The following PSTPIP1 variants were observed in gnomAD, a reference collection of about 807,000 sequenced individuals.
PSTPIP1 encodes proline-serine-threonine phosphatase-interacting protein 1.
A neutral mutation model predicts 69.6 loss-of-function variants in PSTPIP1; 66 were observed. That is an observed-to-expected ratio of 0.95 (90% confidence interval 0.78 to 1.16). The LOEUF is 1.16. PSTPIP1 is among the 50% of genes most tolerant of loss of function. PSTPIP1 has a pLI of 0.00. For synonymous variants in PSTPIP1, 266 were observed against 222.7 expected (o/e 1.19, Z -1.73); for missense variants, 603 against 557.4 (o/e 1.08, Z -0.82).
chr15:77,036,006 T>C, intron 14 of PSTPIP1, 71 bp downstream of exon 14: 1 of 1,486,436 alleles, frequency 6.7e-7, no homozygotes, highest in South Asian at 1.3e-5. Context: ...TCCCATCCAG[T>C]GCCTTGCGTC....
intron 1 of PSTPIP1, among the ~76,000 whole-genome samples, chr15:76,997,737 G>A (rs1220105463): frequency 6.6e-6 from 1 of 152,134 alleles, no homozygotes; most frequent in East Asian, 1.9e-4. Flanking sequence ...TCCCAGAGGG[G>A]TAAGAAAATC....
At chr15:77,024,836 C>A in intron 3 of PSTPIP1, among the ~76,000 whole-genome samples, 1 of 152,038 alleles carries the variant, frequency 6.6e-6, no homozygotes, top group Non-Finnish European at 1.5e-5. Flanking sequence ...TCCAAACATC[C>A]CCCGGGCCAC....
intron 8 of PSTPIP1, 84 bp from the exon 9 acceptor site, chr15:77,030,418 G>A (rs1033197162): frequency 2.8e-5 from 39 of 1,402,362 alleles, no homozygotes; most frequent in Admixed American, 3.9e-5. Context: ...CCAGTGGGAG[G>A]AGGCATCCAG....
At chr15:76,996,587 G>T (rs2075585168) in intron 1 of PSTPIP1, among the ~76,000 whole-genome samples, 1 of 152,372 alleles carries the variant, frequency 6.6e-6, no homozygotes, top group Non-Finnish European at 1.5e-5. Context: ...CAGCCAGGAG[G>T]ATGAGAGCTA....
At chr15:77,032,826 G>T (rs1177211834) in intron 11 of PSTPIP1, 36 bp from the exon 12 acceptor site, 17 of 1,530,022 alleles carry the variant, frequency 1.1e-5, no homozygotes, top group Non-Finnish European at 1.4e-5. Flanking sequence ...TGGGGTGTTG[G>T]GGGCCGCCCT....
In PSTPIP1 at chr15:77,028,546, ACC is replaced by A. The variant is rs749862420; in HGVS notation, c.418-4_418-3del. On this transcript the variant is annotated splice_region_variant and splice_polypyrimidine_tract_variant and intron_variant, in intron 6 of 14. Coordinates refer to ENST00000558012, the MANE Select transcript of PSTPIP1 (RefSeq NM_003978.5). ...CAGCCCCCAAGTCACGCCCCTCCAC[ACC>A]CCCAGTCCAAGAAGACATACGAGCA... 6.3e-7 allele frequency: 1 copy of A among 1,592,976 alleles called. No individual in the cohort carries two copies. The highest frequency in any genetic ancestry group is 2.3e-5 in the East Asian group (1 of 43,468).
chr15:77,035,406 A>G, intron 12 of PSTPIP1, 102 bp from the exon 13 acceptor site: 1 of 1,241,456 alleles, frequency 8.1e-7, no homozygotes. Flanking sequence ...GCCCTGGCAG[A>G]GCGCGTGCAG....
At chr15:77,029,151 C>T (rs150280393) in intron 7 of PSTPIP1, among the ~76,000 whole-genome samples, 749 of 152,338 alleles carry the variant, frequency 4.9e-3, no homozygotes, top group Non-Finnish European at 8.5e-3. Flanking sequence ...AAACACATCA[C>T]TCATTGCACA....
At chr15:77,009,197 G>A (rs1465685526) in intron 1 of PSTPIP1, among the ~76,000 whole-genome samples, 1 of 152,176 alleles carries the variant, frequency 6.6e-6, no homozygotes, top group African/African-American at 2.4e-5. Flanking sequence ...CCCCAGGCAC[G>A]GAAGGCCTCA....
Position 77,032,266 on chromosome 15 carries a change from C to T in PSTPIP1, c.742-32C>T, listed in dbSNP as rs748215230. ...GCCCACAGAGGGGCAGAGTGGGCAT[C>T]GGGCTGCGGCCTCTGCTCTTTCCTG... On this transcript the variant is annotated intron_variant, in intron 10 of 14. Coordinates refer to ENST00000558012, the MANE Select transcript of PSTPIP1 (RefSeq NM_003978.5). 1.1e-5 allele frequency: 17 copies of T among 1,603,494 alleles called. No individual in the cohort carries two copies. In the East Asian group the frequency reaches 1.1e-4, roughly 11 times the overall value.
In PSTPIP1 at chr15:77,029,572, C is replaced by G. The variant is rs2152686807; in HGVS notation, c.560C>G (p.Ala187Gly). Residue 187 changes from alanine to glycine, a missense_variant and splice_region_variant, in exon 8 of 15, where the codon GCA becomes GGA. Coordinates refer to ENST00000558012, the MANE Select transcript of PSTPIP1 (RefSeq NM_003978.5). ...CAGTGCAAGGACTCGGCCACCGAGG[C>G]AGGTATGTGGGCCTGGCTGCCCCGT... ...ARQCKDSATE[A>G]ERVYRQSIAQ... is the part of the protein sequence containing the mutation. 6.3e-7 allele frequency: 1 copy of G among 1,579,328 alleles called. No homozygotes were observed. Among genetic ancestry groups the G allele is most frequent in the Non-Finnish European group, 8.6e-7 (1 of 1,163,638 alleles).
chr15:77,025,611 C>A lies in PSTPIP1; in HGVS notation c.354+7C>A. The A allele has an allele frequency of 6.5e-7, 1 of 1,540,212 alleles. No homozygotes were observed. Among genetic ancestry groups the A allele is most frequent in the Non-Finnish European group, 8.8e-7 (1 of 1,138,336 alleles). On this transcript the variant is annotated splice_region_variant and intron_variant, in intron 5 of 14. Transcript: ENST00000558012. ...GAAGGAGCAGAGGAAGAAGGTGAGG[C>A]AGGTGCAGGGGGCGGGGGAGCTGCT...
chr15:76,998,757 T>C (rs1210997979), intron 1 of PSTPIP1, among the ~76,000 whole-genome samples: 1 of 152,226 alleles, frequency 6.6e-6, no homozygotes, highest in African/African-American at 2.4e-5. Flanking sequence ...TGTCCCTCAG[T>C]CGGCCTGTTT....
At chr15:77,028,806 T>C (rs2076348415) in intron 7 of PSTPIP1, among the ~76,000 whole-genome samples, 154 bp downstream of exon 7, 1 of 152,178 alleles carries the variant, frequency 6.6e-6, no homozygotes, top group African/African-American at 2.4e-5. Context: ...GTGAAATGGG[T>C]TTCCTGGAGA....
At position 77,031,204 on chromosome 15, in the gene PSTPIP1, C is replaced by A. The variant is rs574957138; in HGVS notation, c.667C>A (p.Arg223=). Residue 223 remains arginine (R), a synonymous_variant, in exon 10 of 15, where the codon CGG becomes AGG. Coordinates refer to ENST00000558012, the MANE Select transcript of PSTPIP1 (RefSeq NM_003978.5). ...CEAFQLQEFD[R]LTILRNALWV... Reference sequence around the variant, plus strand: ...GGCCTTTCAGCTGCAAGAGTTTGACCGGCTGACCATTCTCCGCAACGCCCT... The same window carrying A: ...GGCCTTTCAGCTGCAAGAGTTTGACAGGCTGACCATTCTCCGCAACGCCCT... The A allele has an allele frequency of 6.2e-7, 1 of 1,612,886 alleles. No individual in the cohort carries two copies. Among genetic ancestry groups the A allele is most frequent in the Admixed American group, 1.7e-5 (1 of 60,012 alleles).
intron 12 of PSTPIP1, among the ~76,000 whole-genome samples, chr15:77,033,197 C>T (rs1225319318): frequency 1.3e-5 from 2 of 152,178 alleles, no homozygotes; most frequent in Non-Finnish European, 1.5e-5. Flanking sequence ...GGAGGTGCTC[C>T]GAGCTCTGGG....
At position 77,028,592 on chromosome 15, in the gene PSTPIP1, C is replaced by A; in HGVS notation, c.456C>A (p.Asp152Glu). Residue 152 changes from aspartate to glutamate, a missense_variant, in exon 7 of 15, where the codon GAC becomes GAA. Transcript: ENST00000558012. Reference sequence around the variant, plus strand: ...ACGAGCAGAAGTGCCGGGACGCGGACGACGCGGAGCAGGCCTTCGAGCGCA... The same window carrying A: ...ACGAGCAGAAGTGCCGGGACGCGGAAGACGCGGAGCAGGCCTTCGAGCGCA... ...KTYEQKCRDA[D>E]DAEQAFERIS... is the part of the protein sequence containing the mutation. 1 of 1,603,264 alleles carries A rather than the reference C, an allele frequency of 6.2e-7. No homozygotes were observed. Among genetic ancestry groups the A allele is most frequent in the Non-Finnish European group, 8.5e-7 (1 of 1,175,670 alleles).
intron 1 of PSTPIP1, among the ~76,000 whole-genome samples, chr15:77,014,956 C>A (rs113807864): frequency 1.3e-5 from 2 of 152,306 alleles, no homozygotes; most frequent in African/African-American, 4.8e-5. Context: ...GTGAGCCTCC[C>A]AGAGGAAGAG....
At chr15:77,005,857 C>T (rs1414655236) in intron 1 of PSTPIP1, among the ~76,000 whole-genome samples, 2 of 152,188 alleles carry the variant, frequency 1.3e-5, no homozygotes, top group East Asian at 1.9e-4. Flanking sequence ...TTCCATTCTA[C>T]GTATATACTT....
Sources: gnomAD v4.1 joint callset for allele counts (sites outside exome capture counted in the v4.1 genomes callset) on GRCh38, gnomAD v4.1.1 for gene constraint, MANE v1.5 for transcripts, NCBI Gene and HGNC (gene_info 2026-07-23, HGNC 2026-07-21) for gene names.